The following XIRP2 variants were observed in gnomAD, a reference collection of about 807,000 sequenced individuals.
XIRP2 encodes xin actin binding repeat containing 2.
Under a neutral mutation model 277.0 loss-of-function variants are expected in XIRP2, and 236 were observed. That is an observed-to-expected ratio of 0.85 (90% CI 0.77 to 0.95). The LOEUF (loss-of-function observed/expected upper bound fraction) is 0.95. Among genes scored for constraint, XIRP2 ranks in the 40% least tolerant of loss-of-function variants. The probability of loss-of-function intolerance (pLI) is 0.00; values close to 1 mark genes in which losing one functional copy is unlikely to be tolerated. For synonymous variants in XIRP2, 1,490 were observed against 1,416.5 expected (o/e 1.05, Z -1.17); for missense variants, 4,640 against 4,157.5 (o/e 1.12, Z -3.19).
intron 3 of XIRP2, among the ~76,000 whole-genome samples, chr2:167,165,021 C>G (rs144078854): frequency 1.2e-3 from 183 of 152,258 alleles, no homozygotes; most frequent in African/African-American, 4.3e-3. Flanking sequence ...TCCCAATAAC[C>G]CCTGTCAACT....
At chr2:166,987,575 G>T (rs1687039022) in intron 2 of XIRP2, among the ~76,000 whole-genome samples, 1 of 152,092 alleles carries the variant, frequency 6.6e-6, no homozygotes. Flanking sequence ...ATAACATAAT[G>T]AACTTAGAAA....
intron 2 of XIRP2, among the ~76,000 whole-genome samples, chr2:167,003,874 A>G (rs1165750428): frequency 1.3e-5 from 2 of 151,926 alleles, no homozygotes; most frequent in African/African-American, 4.8e-5. Flanking sequence ...TGTTTCTGAT[A>G]ACATCTTTAT....
At chr2:167,123,773 G>A (rs779214585) in intron 2 of XIRP2, 3 of 152,092 alleles carry the variant, frequency 2.0e-5, no homozygotes, top group Non-Finnish European at 4.4e-5. Flanking sequence ...TAGTCAGACT[G>A]GCCATCCTAA....
chr2:166,982,316 GTT>G (rs756521659), intron 2 of XIRP2, among the ~76,000 whole-genome samples: 58 of 122,954 alleles, frequency 4.7e-4, no homozygotes, highest in African/African-American at 1.1e-3. Context: ...TTTAGGTACA[GTT>G]TTTTTTTTTA....
At position 167,210,843 on chromosome 2, in the gene XIRP2, C is replaced by T. The variant is rs764756729; in HGVS notation, c.671C>T (p.Ala224Val). ...HEVVSLKERM[A>V]RYQAAVSRGD... ...GTGGTCTCCCTGAAGGAGCGGATGG[C>T]GAGGTACCAGGCAGCTGTTTCCAGG... Residue 224 changes from alanine to valine, a missense_variant, in exon 4 of 11, where the codon GCG (alanine) becomes GTG (valine). Physicochemically the swap from Ala to Val is moderately conservative, Grantham distance 64. Transcript: ENST00000409195. The T allele has an allele frequency of 4.3e-5, 70 of 1,614,130 alleles. No homozygotes were observed. Among genetic ancestry groups the T allele is most frequent in the Non-Finnish European group, 5.4e-5 (64 of 1,180,020 alleles).
chr2:167,103,047 G>A (rs1257658522), intron 2 of XIRP2, among the ~76,000 whole-genome samples: 2 of 152,282 alleles, frequency 1.3e-5, no homozygotes, highest in East Asian at 1.9e-4. Context: ...GCTGAGATGG[G>A]AGGATCACTT....
intron 2 of XIRP2, among the ~76,000 whole-genome samples, chr2:166,981,525 A>G (rs1686869065): frequency 6.6e-6 from 1 of 151,664 alleles, no homozygotes; most frequent in Non-Finnish European, 1.5e-5. Flanking sequence ...GGGTTCAAGC[A>G]ATTCTCCTGC....
At chr2:167,158,015 T>C (rs2105337847) in intron 3 of XIRP2, among the ~76,000 whole-genome samples, 1 of 152,318 alleles carries the variant, frequency 6.6e-6, no homozygotes, top group African/African-American at 2.4e-5. Flanking sequence ...ACTTTAAAAG[T>C]GCTTTAAAAC....
intron 2 of XIRP2, among the ~76,000 whole-genome samples, chr2:166,983,287 A>G (rs945280014): frequency 6.6e-6 from 1 of 152,124 alleles, no homozygotes; most frequent in Non-Finnish European, 1.5e-5. Context: ...ATAATTTTTC[A>G]TTCAAAAATT....
intron 3 of XIRP2, chr2:167,184,754 C>T: frequency 3.1e-6 from 2 of 640,884 alleles, no homozygotes; most frequent in Non-Finnish European, 5.7e-6. Flanking sequence ...ATTTGTCTTC[C>T]ATGACAGCAT....
intron 10 of XIRP2, among the ~76,000 whole-genome samples, chr2:167,256,063 A>G (rs896542680): frequency 6.6e-6 from 1 of 151,692 alleles, no homozygotes; most frequent in Non-Finnish European, 1.5e-5. Context: ...TTTAAAATCT[A>G]GCAATTTTAC....
In XIRP2 at chr2:167,029,941, G is replaced by A. The variant is rs78984175; in HGVS notation, c.409-105968G>A. ...TTCCTGGTTTTCTTCCTAGTCTTGG[G>A]AGTGTGTATGTGTCCAGGAATTTAT... On this transcript the variant is annotated intron_variant, in intron 2 of 10. Coordinates refer to ENST00000409195, the MANE Select transcript of XIRP2 (RefSeq NM_152381.6). Among the ~76,000 whole-genome samples, 213 of 152,164 alleles carry A rather than the reference G, an allele frequency of 1.4e-3. 2 individuals carry two copies. Among genetic ancestry groups the A allele is most frequent in the African/African-American group, 4.9e-3 (202 of 41,532 alleles).
intron 3 of XIRP2, among the ~76,000 whole-genome samples, chr2:167,200,591 C>T (rs981947651): frequency 6.6e-6 from 1 of 152,178 alleles, no homozygotes. Flanking sequence ...TAAACGAACA[C>T]TTTACATGTC....
At chr2:166,962,359 T>C (rs1348639520) in intron 2 of XIRP2, among the ~76,000 whole-genome samples, 1 of 151,680 alleles carries the variant, frequency 6.6e-6, no homozygotes, top group Non-Finnish European at 1.5e-5. Flanking sequence ...GTGCATATGA[T>C]GCAGTGAATG....
chr2:167,016,637 G>A (rs559898499), intron 2 of XIRP2, among the ~76,000 whole-genome samples: 17 of 152,018 alleles, frequency 1.1e-4, no homozygotes, highest in African/African-American at 4.1e-4. Context: ...GGAAGCAGCT[G>A]CTAAGGTAGA....
intron 2 of XIRP2, among the ~76,000 whole-genome samples, chr2:167,036,803 A>T (rs962421335): frequency 6.6e-6 from 1 of 152,092 alleles, no homozygotes; most frequent in African/African-American, 2.4e-5. Flanking sequence ...CATGTTGTGG[A>T]AGGGCCCCAG....
In XIRP2 at chr2:167,186,551, T is replaced by C. The variant is rs187462450; in HGVS notation, c.563-24184T>C. On this transcript the variant is annotated intron_variant, in intron 3 of 10. Transcript: ENST00000409195. The stretch of plus-strand genomic sequence containing the variant: ...CTGGTTATTTTCTATTTACTGAGAA[T>C]GTATGAGATGTTGTCATTTTTGAGC... Among the ~76,000 whole-genome samples the C allele has an allele frequency of 1.3e-3, 193 of 152,274 alleles. 1 individual carries two copies. The highest frequency in any genetic ancestry group is 4.5e-3 in the African/African-American group (187 of 41,558).
Position 166,894,596 on chromosome 2 carries a change from T to A in XIRP2, c.-19+6039T>A, listed in dbSNP as rs1684193038. On this transcript the variant is annotated intron_variant, in intron 1 of 10. Transcript: ENST00000409195. The stretch of plus-strand genomic sequence containing the variant: ...CTATTGCTCCAAGTATTAATTCTAG[T>A]ATGAGAAGAAAAAATATGTTTATAC... Among the ~76,000 whole-genome samples, 2 of 152,156 alleles carry A rather than the reference T, an allele frequency of 1.3e-5. 1 individual carries two copies. The highest frequency in any genetic ancestry group is 4.1e-4 in the South Asian group (2 of 4,834).
chr2:166,931,771 C>A (rs1175084902), intron 2 of XIRP2, among the ~76,000 whole-genome samples: 7 of 152,242 alleles, frequency 4.6e-5, no homozygotes, highest in Non-Finnish European at 7.4e-5. Flanking sequence ...TGGACATATG[C>A]ATTATTTCTC....
Sources: allele counts gnomAD v4.1 joint callset (sites outside exome capture counted in the v4.1 genomes callset), GRCh38; gene constraint gnomAD v4.1.1; transcripts MANE v1.5; gene names NCBI Gene and HGNC (gene_info 2026-07-23, HGNC 2026-07-21).